Variants in TMEM18 observed in about 807,000 individuals in gnomAD.
The protein encoded by TMEM18 is transmembrane protein 18.
TMEM18 carries 14 observed loss-of-function variants against 17.4 expected under a neutral mutation model. The ratio of observed to expected loss-of-function variants is 0.80; its 90% CI spans 0.53 to 1.25. The LOEUF (loss-of-function observed/expected upper bound fraction) is 1.25. Ranked by LOEUF, TMEM18 falls within the 50% of genes most tolerant of loss-of-function variation. TMEM18 has a pLI of 0.00. For missense variants in TMEM18, 187 were observed against 172.1 expected (o/e 1.09, Z -0.48); for synonymous variants, 86 against 66.1 (o/e 1.30, Z -1.46).
In TMEM18 at chr2:665,432, C is replaced by T. The variant is rs769882668; in HGVS notation, c.*4148G>A. On this transcript the variant is annotated 3_prime_UTR_variant, in exon 5 of 5. Coordinates refer to ENST00000281017, the MANE Select transcript of TMEM18 (RefSeq NM_152834.4). ...ATAATCAACCCCACATACAACAGGA[C>T]CCAGAGATGCAGATGCTCCACTCAC... is the stretch of plus-strand genomic sequence containing the variant. Among the ~76,000 whole-genome samples, 2 of 150,800 alleles carry T rather than the reference C, an allele frequency of 1.3e-5. No homozygotes were observed. The highest frequency in any genetic ancestry group is 2.9e-5 in the Non-Finnish European group (2 of 67,906).
intron 3 of TMEM18, chr2:670,191 T>A: frequency 4.1e-6 from 1 of 243,896 alleles, no homozygotes; most frequent in East Asian, 1.1e-4. Flanking sequence ...CACTGATGAC[T>A]TGAAATCCTT....
chr2:676,829 T>C (rs1643415644), intron 1 of TMEM18: 2 of 629,512 alleles, frequency 3.2e-6, no homozygotes, highest in African/African-American at 1.8e-5. Context: ...CGCAAGACGC[T>C]GGACTGGCCG....
chr2:669,762 T>A lies in TMEM18; in HGVS notation c.322A>T (p.Ile108Phe). ...SAPLLVNAMI[I>F]VVMWVWKTLN... ...TGAAAGTGTCATCTACGTACCACAA[T>A]GATCATGGCATTCACCAGCAGTGGG... is the stretch of plus-strand genomic sequence containing the variant. The change falls in exon 4 of 5, where the codon ATT (isoleucine) becomes TTT (phenylalanine). Residue 108 changes from isoleucine to phenylalanine, a missense_variant. Transcript: ENST00000281017. The A allele has an allele frequency of 6.2e-7, 1 of 1,614,078 alleles. No homozygotes were observed.
Position 664,532 on chromosome 2 carries a change from T to TA in TMEM18, c.*5047dup, listed in dbSNP as rs1465441792. Among the ~76,000 whole-genome samples the TA allele has an allele frequency of 6.6e-6, 1 of 152,226 alleles. No individual in the cohort carries two copies. The stretch of plus-strand genomic sequence containing the variant: ...ACACCAACAATCATTTGAAAAGCGT[T>TA]AAACCTCACAGGTAACCACAGAAGT... On this transcript the variant is annotated 3_prime_UTR_variant, in exon 5 of 5. Transcript: ENST00000281017.
Position 677,322 on chromosome 2 carries a change from G to C in TMEM18, c.24C>G (p.Ser8Arg), listed in dbSNP as rs1312936705. Residue 8 changes from serine (S) to arginine (R), a missense_variant, in exon 1 of 5, where the codon AGC (serine) becomes AGG (arginine). Coordinates refer to ENST00000281017, the MANE Select transcript of TMEM18 (RefSeq NM_152834.4). Reference protein sequence around the residue: MPSAFSVSSFPVSIPAVL... With the variant: MPSAFSVRSFPVSIPAVL... ...CGGCTGGGATGCTGACGGGGAAAGA[G>C]CTGACAGAGAAGGCGGACGGCATGG... The C allele has an allele frequency of 3.1e-6, 5 of 1,612,506 alleles. No individual in the cohort carries two copies. The highest frequency in any genetic ancestry group is 3.3e-5 in the Admixed American group (2 of 59,992).
rs895956527 is a variant in TMEM18 at position 667,225 on chromosome 2, G to C, written c.*2355C>G. 6.6e-6 allele frequency: 1 copy of C among 151,982 alleles called. No homozygotes were observed. The highest frequency in any genetic ancestry group is 6.5e-5 in the Admixed American group (1 of 15,268). The allele number at this position is 151,982 out of a possible 1,614,324, so 9.4% of individuals were successfully genotyped here. A position where few individuals can be genotyped will look rare whatever the true frequency, so the allele number is the denominator to read the frequency against. ...ACTCAGCACCAGATGCTGCAGCAAA[G>C]GGACCTGCCAGCCAAAGGTGGAGCT... On this transcript the variant is annotated 3_prime_UTR_variant, in exon 5 of 5. Transcript: ENST00000281017.
rs1553271971 is a variant in TMEM18, at chr2:667,011, G to GC, written c.*2568dup. Reference sequence around the variant, plus strand: ...CTCCTTACCCTGAATTCCACCCCCAGCCCTTTTTTTTTTTTTTTAACATTT... The same window carrying GC: ...CTCCTTACCCTGAATTCCACCCCCAGCCCCTTTTTTTTTTTTTTTAACATTT... On this transcript the variant is annotated 3_prime_UTR_variant, in exon 5 of 5. Transcript: ENST00000281017. Among the ~76,000 whole-genome samples, 7 of 77,278 alleles carry GC rather than the reference G, an allele frequency of 9.1e-5. No individual in the cohort carries two copies. Among genetic ancestry groups the GC allele is most frequent in the Middle Eastern group, 7.4e-3 (1 of 136 alleles). 50.7% of individuals were successfully genotyped at this position (77,278 alleles called of 152,430 possible).
In TMEM18 at chr2:666,149, C is replaced by T. The variant is rs1379647394; in HGVS notation, c.*3431G>A. ...AACAGGGCCCATGGAGGCTGACATC[C>T]AGCTCGCTCAGATGGAGCAGGAGCT... On this transcript the variant is annotated 3_prime_UTR_variant, in exon 5 of 5. Coordinates refer to ENST00000281017, the MANE Select transcript of TMEM18 (RefSeq NM_152834.4). Among the ~76,000 whole-genome samples, 1 of 152,250 alleles carries T rather than the reference C, an allele frequency of 6.6e-6. No homozygotes were observed. The highest frequency in any genetic ancestry group is 1.5e-5 in the Non-Finnish European group (1 of 68,050).
At chr2:676,600 G>A (rs1572414914) in intron 1 of TMEM18, 4 of 1,550,522 alleles carry the variant, frequency 2.6e-6, no homozygotes, top group South Asian at 2.4e-5. Context: ...CGGAGGTGAG[G>A]GGAGCACGGC....
chr2:669,482 T>G lies in TMEM18; in HGVS notation c.*98A>C. 2 of 1,225,826 alleles carry G rather than the reference T, an allele frequency of 1.6e-6. No homozygotes were observed. Among genetic ancestry groups the G allele is most frequent in the Non-Finnish European group, 2.3e-6 (2 of 853,846 alleles). The allele number at this position is 1,225,826 out of a possible 1,614,324, so 75.9% of individuals were successfully genotyped here. ...AATAAAACAACGGTTTTTCAAACCA[T>G]GAGTCAGCTGGAAGGATGCCCACGC... On this transcript the variant is annotated 3_prime_UTR_variant, in exon 5 of 5. Coordinates refer to ENST00000281017, the MANE Select transcript of TMEM18 (RefSeq NM_152834.4).
rs3187671 is a variant in TMEM18 at position 669,023 on chromosome 2, C to T, written c.*557G>A. On this transcript the variant is annotated 3_prime_UTR_variant, in exon 5 of 5. Transcript: ENST00000281017. ...AAGTCATTGTCTGTGATGCGGCTGA[C>T]CCAGGCACACAGGATTTTATGCATC... is the stretch of plus-strand genomic sequence containing the variant. The T allele has an allele frequency of 0.14, 21,333 of 152,504 alleles. 1,817 individuals carry two copies. Among genetic ancestry groups the T allele is most frequent in the African/African-American group, 0.23 (9,739 of 41,508 alleles). 9.4% of individuals were successfully genotyped at this position (152,504 alleles called of 1,614,324 possible).
chr2:676,808 C>A, intron 1 of TMEM18: 1 of 672,730 alleles, frequency 1.5e-6, no homozygotes, highest in Non-Finnish European at 2.5e-6. Flanking sequence ...CCACATGGCC[C>A]AAGCCCCGCC....
rs555636054 is a variant in TMEM18, at chr2:666,935, G to A, written c.*2645C>T. Reference sequence around the variant, plus strand: ...TGGGCCTGACCGGTATATCTCTGACGGCAATTCTCGTCTGTCTTTAAGCAT... The same window carrying A: ...TGGGCCTGACCGGTATATCTCTGACAGCAATTCTCGTCTGTCTTTAAGCAT... On this transcript the variant is annotated 3_prime_UTR_variant, in exon 5 of 5. Transcript: ENST00000281017. Among the ~76,000 whole-genome samples, 9 of 152,042 alleles carry A rather than the reference G, an allele frequency of 5.9e-5. No homozygotes were observed. The highest frequency in any genetic ancestry group is 7.4e-5 in the Non-Finnish European group (5 of 68,006).
At position 675,598 on chromosome 2, in the gene TMEM18, C is replaced by T; in HGVS notation, c.90G>A (p.Gly30=). 6.2e-7 allele frequency: 1 copy of T among 1,614,148 alleles called. No homozygotes were observed. Among genetic ancestry groups the T allele is most frequent in the South Asian group, 1.1e-5 (1 of 91,086 alleles). ...CGCAGAGCGCGTGGAAGGTGGCCAG[C>T]CCCATGAGCCAGGGCTCAGTCCAGT... ...QTDWTEPWLM[G]LATFHALCVL... The change falls in exon 2 of 5, where the codon GGG becomes GGA. Residue 30 remains glycine, a synonymous_variant. Coordinates refer to ENST00000281017, the MANE Select transcript of TMEM18 (RefSeq NM_152834.4).
rs748358284 is a variant in TMEM18, at chr2:676,600, GGGAGCAC to G, written c.57+682_57+688del. 62 of 1,550,404 alleles carry G rather than the reference GGGAGCAC, an allele frequency of 4.0e-5. No homozygotes were observed. In the African/African-American group the frequency reaches 5.6e-4, roughly 14 times the overall value. On this transcript the variant is annotated intron_variant, in intron 1 of 4. Transcript: ENST00000281017. ...AGAAGACCAGAGGCACGGAGGTGAG[GGGAGCAC>G]GGCTTTCTGCCCAGACCCCATCGAG... is the stretch of plus-strand genomic sequence containing the variant.
chr2:673,477 G>A (rs892260363), intron 2 of TMEM18, among the ~76,000 whole-genome samples: 4 of 152,122 alleles, frequency 2.6e-5, no homozygotes, highest in African/African-American at 9.7e-5. Context: ...GGTAATGCTG[G>A]TACTCAAACC....
At position 668,657 on chromosome 2, in the gene TMEM18, T is replaced by C. The variant is rs950139651; in HGVS notation, c.*923A>G. On this transcript the variant is annotated 3_prime_UTR_variant, in exon 5 of 5. Transcript: ENST00000281017. Reference sequence around the variant, plus strand: ...TGGGTCTCTAACCACCTGTCATTCTTAAACTACAGGTCCACATTTGACAGG... The same window carrying C: ...TGGGTCTCTAACCACCTGTCATTCTCAAACTACAGGTCCACATTTGACAGG... The C allele has an allele frequency of 4.6e-5, 7 of 152,258 alleles. No individual in the cohort carries two copies. The highest frequency in any genetic ancestry group is 7.2e-5 in the African/African-American group (3 of 41,466). The allele number at this position is 152,258 out of a possible 1,614,324, so 9.4% of individuals were successfully genotyped here. A position where few individuals can be genotyped will look rare whatever the true frequency, so the allele number is the denominator to read the frequency against.
intron 1 of TMEM18, chr2:676,705 C>T (rs1464399182): frequency 4.0e-5 from 58 of 1,461,930 alleles, no homozygotes; most frequent in Non-Finnish European, 5.0e-5. Context: ...CCCGGCACGG[C>T]GCACGCCCCG....
At position 677,385 on chromosome 2, in the gene TMEM18, G is replaced by C; in HGVS notation, c.-40C>G. Reference sequence around the variant, plus strand: ...CGCTCTCACAGCAACCGCCGAACCCGGCCTGGCCAGAATCCACAGAGGAGG... The same window carrying C: ...CGCTCTCACAGCAACCGCCGAACCCCGCCTGGCCAGAATCCACAGAGGAGG... On this transcript the variant is annotated 5_prime_UTR_variant, in exon 1 of 5. Coordinates refer to ENST00000281017, the MANE Select transcript of TMEM18 (RefSeq NM_152834.4). The C allele has an allele frequency of 1.2e-6, 2 of 1,603,216 alleles. No homozygotes were observed. The highest frequency in any genetic ancestry group is 1.1e-5 in the South Asian group (1 of 88,992).
Sources: gnomAD v4.1 joint callset for allele counts (sites outside exome capture counted in the v4.1 genomes callset) on GRCh38, gnomAD v4.1.1 for gene constraint, MANE v1.5 for transcripts, NCBI Gene and HGNC (gene_info 2026-07-23, HGNC 2026-07-21) for gene names.